ASTN2: variants seen among roughly 807,000 people sequenced by gnomAD.
ASTN2 encodes astrotactin 2.
A neutral mutation model predicts 139.8 loss-of-function variants in ASTN2; 54 were observed. The observed-to-expected ratio is 0.39, with a 90% CI of 0.31 to 0.48. The LOEUF is 0.48. Among genes scored for constraint, ASTN2 ranks in the 20% least tolerant of loss-of-function variants. ASTN2 has a pLI of 0.95. For missense variants in ASTN2, 1,565 were observed against 1,725.1 expected (o/e 0.91, Z 1.64); for synonymous variants, 756 against 719.5 (o/e 1.05, Z -0.81).
intron 6 of ASTN2, among the ~76,000 whole-genome samples, chr9:117,034,452 T>C (rs556820783): frequency 6.6e-6 from 1 of 152,262 alleles, no homozygotes; most frequent in East Asian, 1.9e-4. Flanking sequence ...GGCAGCTCCA[T>C]TAGTAGGGCA....
intron 19 of ASTN2, among the ~76,000 whole-genome samples, chr9:116,608,959 A>T (rs935979776): frequency 2.0e-5 from 3 of 152,124 alleles, no homozygotes; most frequent in African/African-American, 7.2e-5. Flanking sequence ...AAGACGAAAA[A>T]TAATGCTGGA....
intron 7 of ASTN2, among the ~76,000 whole-genome samples, chr9:117,004,784 A>G (rs1837307876): frequency 6.6e-6 from 1 of 152,142 alleles, no homozygotes; most frequent in South Asian, 2.1e-4. Flanking sequence ...TTATAGGGGG[A>G]AGCAGAAGAC....
intron 19 of ASTN2, among the ~76,000 whole-genome samples, chr9:116,575,594 G>T (rs1193085260): frequency 6.6e-6 from 1 of 152,122 alleles, no homozygotes; most frequent in African/African-American, 2.4e-5. Flanking sequence ...ATAAGGTCTT[G>T]GGGTCCTAGG....
chr9:116,955,707 C>A (rs546859525), intron 10 of ASTN2, among the ~76,000 whole-genome samples: 1 of 152,306 alleles, frequency 6.6e-6, no homozygotes, highest in Admixed American at 6.5e-5. Flanking sequence ...GTGGTCGTAG[C>A]AAGTTGTTTC....
At chr9:116,703,668 T>C (rs1199374321) in intron 16 of ASTN2, among the ~76,000 whole-genome samples, 3 of 151,138 alleles carry the variant, frequency 2.0e-5, no homozygotes, top group East Asian at 3.9e-4. Context: ...ATGGCACATG[T>C]ATACGTATGT....
intron 10 of ASTN2, among the ~76,000 whole-genome samples, chr9:116,893,801 A>G (rs995509006): frequency 2.0e-5 from 3 of 151,968 alleles, no homozygotes; most frequent in Admixed American, 2.0e-4. Flanking sequence ...TCTTAGGTCC[A>G]TAATTGCTTT....
At chr9:116,467,064 C>A (rs1261265721) in intron 20 of ASTN2, among the ~76,000 whole-genome samples, 1 of 152,034 alleles carries the variant, frequency 6.6e-6, no homozygotes, top group Non-Finnish European at 1.5e-5. Context: ...CCAAGCAAGG[C>A]AGCAAGAGTC....
intron 17 of ASTN2, among the ~76,000 whole-genome samples, chr9:116,642,132 C>CA (rs1252642911): frequency 0.047 from 2,294 of 48,960 alleles, 308 homozygotes; most frequent in African/African-American, 0.14. Flanking sequence ...TCCCAACCCA[C>CA]AAAAAAAAAA....
chr9:117,019,015 C>T (rs1022383332), intron 6 of ASTN2, among the ~76,000 whole-genome samples: 2 of 152,038 alleles, frequency 1.3e-5, no homozygotes, highest in South Asian at 4.1e-4. Flanking sequence ...ATGGCTGCCT[C>T]GCATTCTGCT....
chr9:116,583,561 A>G (rs1854032656), intron 19 of ASTN2: 1 of 151,832 alleles, frequency 6.6e-6, no homozygotes, highest in Non-Finnish European at 1.5e-5. Flanking sequence ...AGACTGTGGC[A>G]GACATAGATC....
At chr9:116,827,924 A>C (rs1032974557) in intron 11 of ASTN2, among the ~76,000 whole-genome samples, 3 of 56,180 alleles carry the variant, frequency 5.3e-5, no homozygotes, top group African/African-American at 1.7e-4. Flanking sequence ...AAACCATACA[A>C]GGAAATAACA....
intron 10 of ASTN2, among the ~76,000 whole-genome samples, chr9:116,891,056 G>A (rs967858459): frequency 6.6e-6 from 1 of 152,148 alleles, no homozygotes; most frequent in African/African-American, 2.4e-5. Context: ...AAAGTTCTTA[G>A]AGCCCAAATG....
intron 19 of ASTN2, among the ~76,000 whole-genome samples, chr9:116,542,807 C>CT: frequency 6.6e-6 from 1 of 151,642 alleles, no homozygotes; most frequent in African/African-American, 2.4e-5. Flanking sequence ...ATCCTCCCAG[C>CT]TACTTGAGGG....
intron 11 of ASTN2, among the ~76,000 whole-genome samples, chr9:116,859,593 G>T (rs1437845227): frequency 6.6e-6 from 1 of 152,204 alleles, no homozygotes; most frequent in Non-Finnish European, 1.5e-5. Flanking sequence ...ATCTGAGCTG[G>T]TGGAAGACAG....
chr9:116,549,494 G>A (rs904926849), intron 19 of ASTN2, among the ~76,000 whole-genome samples: 1 of 152,218 alleles, frequency 6.6e-6, no homozygotes, highest in Non-Finnish European at 1.5e-5. Context: ...CAGGGCTGGA[G>A]CCTGCGTGGG....
chr9:116,802,792 G>C (rs1163748403), intron 13 of ASTN2, among the ~76,000 whole-genome samples: 1 of 152,230 alleles, frequency 6.6e-6, no homozygotes, highest in Non-Finnish European at 1.5e-5. Context: ...GGATTTGAAG[G>C]CATGTTCATT....
chr9:116,581,614 A>G (rs574731367), intron 19 of ASTN2, among the ~76,000 whole-genome samples: 3 of 152,164 alleles, frequency 2.0e-5, no homozygotes, highest in South Asian at 2.1e-4. Context: ...CTTTGCACTG[A>G]CATATTGCAT....
intron 1 of ASTN2, among the ~76,000 whole-genome samples, chr9:117,336,732 A>G (rs1285938484): frequency 6.6e-6 from 1 of 152,098 alleles, no homozygotes; most frequent in African/African-American, 2.4e-5. Context: ...GTTCTGGTTT[A>G]AAGGACCATC....
Position 116,724,138 on chromosome 9 carries a change from T to C in ASTN2, c.2806+1633A>G, listed in dbSNP as rs1251653339. ...CAAACGTGGTATGAAGCAAATTAGT[T>C]ATGTAGCCACAGTGAGTGAAGGTTT... On this transcript the variant is annotated intron_variant, in intron 16 of 22. Transcript: ENST00000313400. Among the ~76,000 whole-genome samples the C allele has an allele frequency of 2.6e-5, 4 of 152,216 alleles. No individual in the cohort carries two copies. In the East Asian group the frequency reaches 7.7e-4, roughly 29 times the overall value.
Sources: gnomAD v4.1 joint callset for allele counts (sites outside exome capture counted in the v4.1 genomes callset) on GRCh38, gnomAD v4.1.1 for gene constraint, MANE v1.5 for transcripts, NCBI Gene and HGNC (gene_info 2026-07-23, HGNC 2026-07-21) for gene names.